Variants in GDE1 observed in about 807,000 individuals in gnomAD.
GDE1 encodes RGS16-interacting membrane protein.
Under a neutral mutation model 32.2 loss-of-function variants are expected in GDE1, and 24 were observed. The observed-to-expected ratio is 0.75, with a 90% CI of 0.54 to 1.05. The LOEUF is 1.05. GDE1 is among the 50% of genes least tolerant of loss of function. GDE1 has a pLI of 0.00. For missense variants in GDE1, 380 were observed against 415.0 expected (o/e 0.92, Z 0.73); for synonymous variants, 159 against 158.6 (o/e 1.00, Z -0.02).
chr16:19,516,086 C>G (rs1034638283), intron 2 of GDE1, among the ~76,000 whole-genome samples: 3 of 152,180 alleles, frequency 2.0e-5, no homozygotes, highest in Non-Finnish European at 4.4e-5. Flanking sequence ...ATTCAGAATA[C>G]ACTGTTTGAT....
intron 1 of GDE1, among the ~76,000 whole-genome samples, chr16:19,520,130 A>C (rs1969431485): frequency 6.6e-6 from 1 of 152,204 alleles, no homozygotes; most frequent in Non-Finnish European, 1.5e-5. Context: ...GAAAAACTTG[A>C]TAAATGTGAG....
chr16:19,521,226 C>T lies in GDE1; in HGVS notation c.261+478G>A, dbSNP rs185518113. 142 of 159,698 alleles carry T rather than the reference C, an allele frequency of 8.9e-4. 4 individuals carry two copies. Among genetic ancestry groups the T allele is most frequent in the Non-Finnish European group, 1.4e-3 (103 of 71,910 alleles). 9.9% of individuals were successfully genotyped at this position (159,698 alleles called of 1,614,324 possible). On this transcript the variant is annotated intron_variant, in intron 1 of 5. Transcript: ENST00000353258. ...CCCATCTCAGGACCTTCTGCACCTG[C>T]CTGGCTCCTTATAATTCCGGTTTCT...
rs1314578338 is a variant in GDE1 at position 19,517,185 on chromosome 16, G to C, written c.266C>G (p.Ala89Gly). 6.2e-7 allele frequency: 1 copy of C among 1,612,168 alleles called. No individual in the cohort carries two copies. The highest frequency in any genetic ancestry group is 1.3e-5 in the African/African-American group (1 of 74,870). The change falls in exon 2 of 6, where the codon GCT (alanine) becomes GGT (glycine). Residue 89 changes from alanine (A) to glycine (G), a missense_variant. Physicochemically the swap from Ala to Gly is moderately conservative, Grantham distance 60 (BLOSUM62 0). Transcript: ENST00000353258. The part of the protein sequence containing the change: ...ENTLAAIRQA[A>G]KNGATGVELD... The stretch of plus-strand genomic sequence containing the variant: ...CTCCACGCCTGTTGCTCCATTCTTA[G>C]CTGCCTTAACAAAAACATCAAGAAT...
At chr16:19,507,005 G>A (rs1445882796) in intron 4 of GDE1, among the ~76,000 whole-genome samples, 3 of 151,638 alleles carry the variant, frequency 2.0e-5, no homozygotes, top group African/African-American at 7.3e-5. Context: ...TGGGCGTGGT[G>A]ACGTGCGCCT....
intron 1 of GDE1, chr16:19,521,367 A>C (rs531977067): frequency 9.0e-5 from 25 of 278,050 alleles, no homozygotes; most frequent in East Asian, 2.5e-4. Flanking sequence ...CACTCTCTTA[A>C]AGTTATCTCA....
intron 3 of GDE1, among the ~76,000 whole-genome samples, chr16:19,509,997 TA>T (rs552358008): frequency 0.011 from 1,644 of 148,008 alleles, 29 homozygotes; most frequent in African/African-American, 0.037. Context: ...TGGGATTAAT[TA>T]AAAAAAAAAA....
chr16:19,512,121 T>A (rs1187848476), intron 2 of GDE1, among the ~76,000 whole-genome samples: 2 of 152,190 alleles, frequency 1.3e-5, no homozygotes, highest in Non-Finnish European at 2.9e-5. Flanking sequence ...AGTTCTATAT[T>A]TTTAGTTTTT....
At chr16:19,510,034 G>A (rs1969297742) in intron 3 of GDE1, among the ~76,000 whole-genome samples, 1 of 152,042 alleles carries the variant, frequency 6.6e-6, no homozygotes, top group Non-Finnish European at 1.5e-5. Context: ...TTCTCAACCA[G>A]TAGATGGCCC....
In GDE1 at chr16:19,502,862, T is replaced by C. The variant is rs1969195848; in HGVS notation, c.*608A>G. 1 of 152,354 alleles carries C rather than the reference T, an allele frequency of 6.6e-6. No homozygotes were observed. The highest frequency in any genetic ancestry group is 1.5e-5 in the Non-Finnish European group (1 of 68,134). 9.4% of individuals were successfully genotyped at this position (152,354 alleles called of 1,614,324 possible). A position where few individuals can be genotyped will look rare whatever the true frequency, so the allele number is the denominator to read the frequency against. Reference sequence around the variant, plus strand: ...GTGGTTTGCAGCTCTCTATTCAAGATGCTATAAATCCCTCATTGGCTTCAA... The same window carrying C: ...GTGGTTTGCAGCTCTCTATTCAAGACGCTATAAATCCCTCATTGGCTTCAA... On this transcript the variant is annotated 3_prime_UTR_variant, in exon 6 of 6. Transcript: ENST00000353258.
At chr16:19,511,883 G>A (rs900986384) in intron 2 of GDE1, among the ~76,000 whole-genome samples, 1 of 152,016 alleles carries the variant, frequency 6.6e-6, no homozygotes, top group Non-Finnish European at 1.5e-5. Flanking sequence ...CCATGTTGCT[G>A]TAAATGACAG....
intron 3 of GDE1, among the ~76,000 whole-genome samples, chr16:19,508,941 G>A (rs1403313905): frequency 5.3e-5 from 8 of 152,162 alleles, no homozygotes; most frequent in African/African-American, 1.7e-4. Context: ...GAACACCCAT[G>A]AGCACCCATT....
intron 4 of GDE1, 86 bp from the exon 5 acceptor site, chr16:19,505,178 A>G (rs770780728): frequency 3.3e-6 from 3 of 915,412 alleles, no homozygotes; most frequent in Admixed American, 1.8e-5. Context: ...GTGCTCAATC[A>G]GATGAGGTGG....
In GDE1 at chr16:19,503,634, G is replaced by A. The variant is rs759708016; in HGVS notation, c.849-17C>T. 2.5e-6 allele frequency: 4 copies of A among 1,609,550 alleles called. No homozygotes were observed. The South Asian group carries it at 4.4e-5, about 18-fold the overall frequency. ...AAGTAGGCCCTGGGGAAAGAGGAAA[G>A]CCAATCCTGTTAGAATAATAAGCAG... On this transcript the variant is annotated splice_polypyrimidine_tract_variant and intron_variant, in intron 5 of 5. Coordinates refer to ENST00000353258, the MANE Select transcript of GDE1 (RefSeq NM_016641.4).
At position 19,504,957 on chromosome 16, in the gene GDE1, C is replaced by G. The variant is rs772107691; in HGVS notation, c.772G>C (p.Asp258His). 3 of 1,613,132 alleles carry G rather than the reference C, an allele frequency of 1.9e-6. No homozygotes were observed. Among genetic ancestry groups the G allele is most frequent in the African/African-American group, 2.7e-5 (2 of 74,900 alleles). The change falls in exon 5 of 6, where the codon GAT (aspartate) becomes CAT (histidine). Residue 258 changes from aspartate (D) to histidine (H), a missense_variant. Coordinates refer to ENST00000353258, the MANE Select transcript of GDE1 (RefSeq NM_016641.4). ...FIFVMMDILL[D>H]WSMHNILWYL... ...CACAAGATATTATGCATGCTCCAAT[C>G]GAGCAAAATGTCCATCATAACAAAT... is the stretch of plus-strand genomic sequence containing the variant.
intron 3 of GDE1, among the ~76,000 whole-genome samples, chr16:19,509,997 TAAAAAA>T (rs552358008): frequency 6.8e-6 from 1 of 148,000 alleles, no homozygotes; most frequent in Admixed American, 6.8e-5. Flanking sequence ...TGGGATTAAT[TAAAAAA>T]AAAAATTGGC....
rs1325914025 is a variant in GDE1 at position 19,502,631 on chromosome 16, A to T, written c.*839T>A. On this transcript the variant is annotated 3_prime_UTR_variant, in exon 6 of 6. Transcript: ENST00000353258. ...TGCCTCAGCTTTCTGAATTGCTGGGATTATCGGCATGAGCCACTGTGCCCA... is the reference window on the plus strand; with the variant it reads ...TGCCTCAGCTTTCTGAATTGCTGGGTTTATCGGCATGAGCCACTGTGCCCA... The T allele has an allele frequency of 6.6e-6, 1 of 152,040 alleles. No individual in the cohort carries two copies. The highest frequency in any genetic ancestry group is 1.5e-5 in the Non-Finnish European group (1 of 68,022). 9.4% of individuals were successfully genotyped at this position (152,040 alleles called of 1,614,324 possible).
chr16:19,521,035 C>A (rs892710453), intron 1 of GDE1, among the ~76,000 whole-genome samples: 1 of 152,088 alleles, frequency 6.6e-6, no homozygotes, highest in South Asian at 2.1e-4. Flanking sequence ...GACAAGCAAA[C>A]GTATGTCTTG....
At chr16:19,520,040 G>C (rs963894228) in intron 1 of GDE1, among the ~76,000 whole-genome samples, 3 of 148,904 alleles carry the variant, frequency 2.0e-5, no homozygotes, top group Non-Finnish European at 4.4e-5. Context: ...AAAATTATTG[G>C]TAAAGTCGAA....
chr16:19,505,133 A>G (rs1969230600), intron 4 of GDE1, 41 bp from the exon 5 acceptor site: 1 of 1,300,218 alleles, frequency 7.7e-7, no homozygotes, highest in South Asian at 1.2e-5. Context: ...GATCATATGT[A>G]AAGTTGAATA....
Sources: allele counts gnomAD v4.1 joint callset (sites outside exome capture counted in the v4.1 genomes callset), GRCh38; gene constraint gnomAD v4.1.1; transcripts MANE v1.5; gene names NCBI Gene and HGNC (gene_info 2026-07-23, HGNC 2026-07-21).